The following KCNH7 variants were observed in gnomAD, a reference collection of about 807,000 sequenced individuals.
KCNH7 encodes the protein voltage-gated inwardly rectifying potassium channel KCNH7.
In KCNH7, 49 loss-of-function variants were observed where a neutral mutation model predicts 120.8. The observed-to-expected ratio is 0.41, with a 90% CI of 0.32 to 0.51. The LOEUF is 0.51. KCNH7 is among the 20% of genes least tolerant of loss of function. KCNH7 has a pLI of 0.38. For synonymous variants in KCNH7, 547 were observed against 516.1 expected, an observed-to-expected ratio of 1.06 and a Z score of -0.81; for missense variants, 1,097 against 1,446.6, an observed-to-expected ratio of 0.76 and a Z score of 3.92.
intron 2 of KCNH7, among the ~76,000 whole-genome samples, chr2:162,592,916 ATGAG>A (rs1268085502): frequency 2.0e-5 from 3 of 152,064 alleles, no homozygotes; most frequent in Non-Finnish European, 2.9e-5. Context: ...TTGTAAATGA[ATGAG>A]TATCTGCAGC....
intron 2 of KCNH7, among the ~76,000 whole-genome samples, chr2:162,620,131 C>T (rs1189668359): frequency 6.7e-6 from 1 of 149,630 alleles, no homozygotes; most frequent in Non-Finnish European, 1.5e-5. Context: ...AAAAAATCTA[C>T]CAATGGGTAG....
At chr2:162,500,918 T>C (rs1690666593) in intron 6 of KCNH7, among the ~76,000 whole-genome samples, 1 of 152,130 alleles carries the variant, frequency 6.6e-6, no homozygotes, top group African/African-American at 2.4e-5. Context: ...GTAGTGAATA[T>C]GGAAATTTCA....
chr2:162,455,423 T>A (rs144627794), intron 6 of KCNH7, among the ~76,000 whole-genome samples: 155 of 152,048 alleles, frequency 1.0e-3, no homozygotes, highest in African/African-American at 3.5e-3. Context: ...GTCTGCTGGG[T>A]TTTGGTATCA....
intron 2 of KCNH7, among the ~76,000 whole-genome samples, chr2:162,614,079 T>C (rs1016626767): frequency 2.6e-5 from 4 of 152,042 alleles, no homozygotes; most frequent in Non-Finnish European, 5.9e-5. Flanking sequence ...TGGCAATAAC[T>C]TAAAGATTAA....
At position 162,741,385 on chromosome 2, in the gene KCNH7, C is replaced by A. The variant is rs528815916; in HGVS notation, c.307+95152G>T. 3.0e-4 allele frequency among the ~76,000 whole-genome samples: 45 copies of A among 150,172 alleles called. 1 individual carries two copies. Among genetic ancestry groups the A allele is most frequent in the Non-Finnish European group, 5.5e-4 (37 of 67,560 alleles). ...GCTATTTTCATGTTAAATTAAAAAG[C>A]AAAGCAAAAAATGAGAGCAAAAGCA... On this transcript the variant is annotated intron_variant, in intron 2 of 15. Coordinates refer to ENST00000332142, the MANE Select transcript of KCNH7 (RefSeq NM_033272.4).
chr2:162,824,610 C>T (rs12611850), intron 2 of KCNH7, among the ~76,000 whole-genome samples: 70,241 of 151,932 alleles, frequency 0.46, 18,644 homozygotes, highest in South Asian at 0.67. Flanking sequence ...TCCCTACATT[C>T]ATTTCAATAC....
chr2:162,577,400 T>A (rs1284486267), intron 2 of KCNH7, among the ~76,000 whole-genome samples: 1 of 151,530 alleles, frequency 6.6e-6, no homozygotes, highest in Non-Finnish European at 1.5e-5. Context: ...TATCTATCCA[T>A]CTATCTATCT....
At chr2:162,817,113 C>G (rs1292311572) in intron 2 of KCNH7, among the ~76,000 whole-genome samples, 3 of 152,108 alleles carry the variant, frequency 2.0e-5, no homozygotes, top group Non-Finnish European at 2.9e-5. Context: ...CAAATTTATA[C>G]AATGTGTTAG....
intron 6 of KCNH7, among the ~76,000 whole-genome samples, chr2:162,493,035 T>A (rs1311652399): frequency 1.3e-5 from 2 of 152,026 alleles, no homozygotes; most frequent in Non-Finnish European, 2.9e-5. Flanking sequence ...ACAGACTCCA[T>A]TTTGGGAAAA....
intron 6 of KCNH7, among the ~76,000 whole-genome samples, chr2:162,455,934 C>A: frequency 6.6e-6 from 1 of 151,948 alleles, no homozygotes. Context: ...GTCTCGATCT[C>A]CTTCAGTTCT....
chr2:162,399,723 A>C (rs1438906880), intron 10 of KCNH7, among the ~76,000 whole-genome samples: 1 of 151,884 alleles, frequency 6.6e-6, no homozygotes, highest in African/African-American at 2.4e-5. Flanking sequence ...ATTCCATTTA[A>C]TCCGACGCGG....
At chr2:162,450,003 T>C (rs192770101) in intron 6 of KCNH7, among the ~76,000 whole-genome samples, 52 of 152,204 alleles carry the variant, frequency 3.4e-4, no homozygotes, top group African/African-American at 1.2e-3. Flanking sequence ...ATCTAATAGA[T>C]ACAACATTTT....
chr2:162,805,454 T>C (rs1201154118), intron 2 of KCNH7, among the ~76,000 whole-genome samples: 1 of 152,044 alleles, frequency 6.6e-6, no homozygotes, highest in Non-Finnish European at 1.5e-5. Context: ...AAAGAGGATA[T>C]ACAGATGGCC....
intron 9 of KCNH7, among the ~76,000 whole-genome samples, chr2:162,402,259 C>T (rs1687087340): frequency 6.6e-6 from 1 of 150,742 alleles, no homozygotes; most frequent in Non-Finnish European, 1.5e-5. Flanking sequence ...CAGCTTTTCA[C>T]ATGGAAGCAA....
chr2:162,602,903 GGAGGAGGAGGAGGGT>G (rs1694603981), intron 2 of KCNH7, among the ~76,000 whole-genome samples: 2 of 150,714 alleles, frequency 1.3e-5, no homozygotes, highest in African/African-American at 4.9e-5. Context: ...GTGAGGAGGA[GGAGGAGGAGGAGGGT>G]GAGGAGGAGG....
intron 2 of KCNH7, among the ~76,000 whole-genome samples, chr2:162,565,050 C>G (rs186440830): frequency 4.6e-5 from 7 of 152,220 alleles, no homozygotes; most frequent in African/African-American, 1.4e-4. Flanking sequence ...TCAGGTTGGA[C>G]TCATGCCCTC....
At chr2:162,472,190 TGTC>T (rs1443343615) in intron 6 of KCNH7, among the ~76,000 whole-genome samples, 5 of 152,206 alleles carry the variant, frequency 3.3e-5, no homozygotes, top group Admixed American at 2.0e-4. Context: ...AAGGACTTCA[TGTC>T]TAAAACACCA....
chr2:162,657,017 T>C (rs1413121087), intron 2 of KCNH7, among the ~76,000 whole-genome samples: 4 of 152,172 alleles, frequency 2.6e-5, no homozygotes, highest in Non-Finnish European at 5.9e-5. Context: ...GCCACTTAAA[T>C]ATACTTTATT....
At chr2:162,637,962 T>A (rs1335736328) in intron 2 of KCNH7, among the ~76,000 whole-genome samples, 1 of 151,988 alleles carries the variant, frequency 6.6e-6, no homozygotes, top group African/African-American at 2.4e-5. Flanking sequence ...ATTGAGGGAA[T>A]TCAGAATCAA....
Sources: allele counts gnomAD v4.1 joint callset (sites outside exome capture counted in the v4.1 genomes callset), GRCh38; gene constraint gnomAD v4.1.1; transcripts MANE v1.5; gene names NCBI Gene and HGNC (gene_info 2026-07-23, HGNC 2026-07-21).